The following RABGEF1 variants were observed in gnomAD, a reference collection of about 807,000 sequenced individuals.
The protein encoded by RABGEF1 is RAB guanine nucleotide exchange factor 1.
In RABGEF1, 26 loss-of-function variants were observed where a neutral mutation model predicts 57.3. That is an observed-to-expected ratio of 0.45 (90% CI 0.33 to 0.63). The LOEUF is 0.63. Among genes scored for constraint, RABGEF1 ranks in the 20% least tolerant of loss-of-function variants. RABGEF1 has a pLI of 0.02. For missense variants in RABGEF1, 464 were observed against 607.6 expected, an observed-to-expected ratio of 0.76 and a Z score of 2.48; for synonymous variants, 185 against 210.7, an observed-to-expected ratio of 0.88 and a Z score of 1.06.
chr7:66,730,813 T>C (rs1301590476), intron 2 of RABGEF1, among the ~76,000 whole-genome samples: 3 of 152,166 alleles, frequency 2.0e-5, no homozygotes, highest in Non-Finnish European at 4.4e-5. Context: ...CTGCTTAGCC[T>C]CCCAAAGTGC....
chr7:66,758,608 C>T (rs1446056667), intron 1 of RABGEF1, among the ~76,000 whole-genome samples: 4 of 152,164 alleles, frequency 2.6e-5, no homozygotes, highest in South Asian at 2.1e-4. Flanking sequence ...TTGAGTCTCA[C>T]GCAGCTGATC....
chr7:66,720,755 C>T (rs73137963), intron 2 of RABGEF1, among the ~76,000 whole-genome samples: 15,768 of 152,076 alleles, frequency 0.1, 894 homozygotes, highest in Non-Finnish European at 0.11. Flanking sequence ...GAGGAAGTAA[C>T]ACTGTTCTTA....
chr7:66,701,106 C>T (rs539433261), intron 1 of RABGEF1, among the ~76,000 whole-genome samples: 11 of 152,166 alleles, frequency 7.2e-5, no homozygotes, highest in South Asian at 4.1e-4. Context: ...TGTGAGCAGC[C>T]GTGTGGCAGG....
At chr7:66,740,986 C>A (rs1304954327) in intron 1 of RABGEF1, among the ~76,000 whole-genome samples, 194 bp downstream of exon 1, 2 of 152,110 alleles carry the variant, frequency 1.3e-5, no homozygotes, top group African/African-American at 4.8e-5. Flanking sequence ...TTCCCCGTTC[C>A]AGGCCGCCCT....
chr7:66,674,712 A>G, the RABGEF1 span, among the ~76,000 whole-genome samples: 125 of 152,288 alleles, frequency 8.2e-4, no homozygotes, highest in African/African-American at 2.8e-3. Flanking sequence ...AGAACATACT[A>G]TATAATTCTA....
At chr7:66,784,948 A>G (rs1810812641) in intron 4 of RABGEF1, among the ~76,000 whole-genome samples, 1 of 152,186 alleles carries the variant, frequency 6.6e-6, no homozygotes, top group Admixed American at 6.5e-5. Flanking sequence ...TATCAGAACT[A>G]AAAACTGAGG....
chr7:66,739,070 C>T (rs1228363009), upstream of RABGEF1, among the ~76,000 whole-genome samples: 2 of 152,044 alleles, frequency 1.3e-5, no homozygotes, highest in South Asian at 2.1e-4. Flanking sequence ...CCTGCCTCAG[C>T]CTCCCAAGTT....
chr7:66,758,943 CA>C (rs1803499491), intron 1 of RABGEF1, among the ~76,000 whole-genome samples: 1 of 152,170 alleles, frequency 6.6e-6, no homozygotes, highest in African/African-American at 2.4e-5. Context: ...GCTGTAAATA[CA>C]GTACAGACAG....
intron 2 of RABGEF1, among the ~76,000 whole-genome samples, chr7:66,722,457 A>T (rs1796154993): frequency 6.6e-6 from 1 of 152,172 alleles, no homozygotes; most frequent in African/African-American, 2.4e-5. Flanking sequence ...AAAAGACAAA[A>T]AAACCCTGTC....
chr7:66,737,965 G>A (rs1477594715), upstream of RABGEF1, among the ~76,000 whole-genome samples: 2 of 152,004 alleles, frequency 1.3e-5, no homozygotes, highest in African/African-American at 2.4e-5. Context: ...CACCTCATGA[G>A]GCCGCTCCGG....
At chr7:66,710,991 A>G (rs1027760612) in intron 1 of RABGEF1, among the ~76,000 whole-genome samples, 3 of 151,422 alleles carry the variant, frequency 2.0e-5, no homozygotes, top group African/African-American at 7.3e-5. Context: ...AAAAAAAAAT[A>G]ATAAAGGAAA....
At chr7:66,706,155 G>T (rs967617757) in intron 1 of RABGEF1, among the ~76,000 whole-genome samples, 5 of 151,538 alleles carry the variant, frequency 3.3e-5, no homozygotes, top group African/African-American at 1.2e-4. Flanking sequence ...ACCCGCCTCG[G>T]CCTCGCAAAG....
At chr7:66,773,648 A>G (rs1196707715) in intron 2 of RABGEF1, 1 of 453,418 alleles carries the variant, frequency 2.2e-6, no homozygotes, top group African/African-American at 2.0e-5. Context: ...TGTCTTTTAG[A>G]TAGTGCTTGT....
chr7:66,790,630 C>T (rs1298681562), intron 4 of RABGEF1, among the ~76,000 whole-genome samples: 7 of 152,196 alleles, frequency 4.6e-5, no homozygotes, highest in African/African-American at 1.7e-4. Flanking sequence ...TTCTTTAAAT[C>T]ACTTGCCGTA....
chr7:66,693,410 C>T (rs1303176876), intron 1 of RABGEF1, among the ~76,000 whole-genome samples: 1 of 152,202 alleles, frequency 6.6e-6, no homozygotes, highest in Non-Finnish European at 1.5e-5. Flanking sequence ...CTGGCCTGGG[C>T]TTCCAGGGCA....
intron 2 of RABGEF1, among the ~76,000 whole-genome samples, chr7:66,774,728 C>A (rs988308317): frequency 1.2e-4 from 18 of 152,224 alleles, no homozygotes; most frequent in African/African-American, 4.3e-4. Flanking sequence ...CTATTACACT[C>A]CAGCCTGGGC....
At chr7:66,667,820 T>C in the RABGEF1 span, among the ~76,000 whole-genome samples, 1 of 152,190 alleles carries the variant, frequency 6.6e-6, no homozygotes, top group African/African-American at 2.4e-5. Flanking sequence ...ATGTTTGAGA[T>C]GGAGTCTTGC....
intron 6 of RABGEF1, among the ~76,000 whole-genome samples, chr7:66,798,196 T>C (rs1449574800): frequency 6.6e-6 from 1 of 152,184 alleles, no homozygotes. Context: ...CCTAGTCACA[T>C]CTTTCACTGG....
intron 1 of RABGEF1, among the ~76,000 whole-genome samples, chr7:66,693,890 C>G (rs1415670257): frequency 6.6e-6 from 1 of 151,994 alleles, no homozygotes; most frequent in Admixed American, 6.6e-5. Context: ...TCACCGTAAC[C>G]TCCGCCTCTG....
Sources: gnomAD v4.1 joint callset for allele counts (sites outside exome capture counted in the v4.1 genomes callset) on GRCh38, gnomAD v4.1.1 for gene constraint, MANE v1.5 for transcripts, NCBI Gene and HGNC (gene_info 2026-07-23, HGNC 2026-07-21) for gene names.